Variants in PRTFDC1 observed in about 807,000 individuals in gnomAD.
PRTFDC1 encodes the protein phosphoribosyl transferase domain containing 1.
PRTFDC1 carries 38 observed loss-of-function variants against 34.6 expected under a neutral mutation model. The observed-to-expected ratio is 1.10, with a 90% CI of 0.85 to 1.44. PRTFDC1 has a LOEUF of 1.44. Among genes scored for constraint, PRTFDC1 ranks in the 40% most tolerant of loss-of-function variants. The probability of loss-of-function intolerance (pLI) is 0.00; values close to 1 mark genes in which losing one functional copy is unlikely to be tolerated. For synonymous variants in PRTFDC1, 93 were observed against 98.1 expected (o/e 0.95, Z 0.31); for missense variants, 270 against 283.0 (o/e 0.95, Z 0.33).
intron 3 of PRTFDC1, among the ~76,000 whole-genome samples, chr10:24,906,370 C>T (rs1007179105): frequency 6.6e-5 from 10 of 152,128 alleles, no homozygotes; most frequent in Non-Finnish European, 1.3e-4. Context: ...GGTCAAGATA[C>T]CCCTGGACCC....
chr10:24,856,779 G>A, intron 6 of PRTFDC1, 134 bp downstream of exon 6: 3 of 773,738 alleles, frequency 3.9e-6, no homozygotes, highest in Non-Finnish European at 6.6e-6. Context: ...GTGTGGTCAA[G>A]CTGTAATACC....
chr10:24,881,130 C>A (rs978331026), intron 3 of PRTFDC1, among the ~76,000 whole-genome samples: 2 of 151,344 alleles, frequency 1.3e-5, no homozygotes, highest in African/African-American at 4.9e-5. Context: ...AGCAGTGGTG[C>A]AATCATAGCT....
At chr10:24,950,992 C>T (rs1461655589) in intron 1 of PRTFDC1, among the ~76,000 whole-genome samples, 1 of 152,168 alleles carries the variant, frequency 6.6e-6, no homozygotes, top group African/African-American at 2.4e-5. Context: ...AATGATTGCC[C>T]TTTTTGCGTT....
chr10:24,891,290 GATATATACCCTTA>G (rs1848257341), intron 3 of PRTFDC1, among the ~76,000 whole-genome samples: 1 of 151,918 alleles, frequency 6.6e-6, no homozygotes, highest in African/African-American at 2.4e-5. Flanking sequence ...ACATATACAG[GATATATACCCTTA>G]ACATAATGCA....
chr10:24,856,453 T>C (rs1271606212), intron 6 of PRTFDC1, among the ~76,000 whole-genome samples: 1 of 152,006 alleles, frequency 6.6e-6, no homozygotes, highest in African/African-American at 2.4e-5. Context: ...CTGGGTGCAG[T>C]GGCAGGCGCC....
At chr10:24,941,702 T>A (rs1194713365) in intron 2 of PRTFDC1, among the ~76,000 whole-genome samples, 1 of 152,166 alleles carries the variant, frequency 6.6e-6, no homozygotes, top group Non-Finnish European at 1.5e-5. Context: ...TGATTTTAAA[T>A]TAATTTTAAA....
chr10:24,916,388 C>A (rs1165833069), intron 3 of PRTFDC1, among the ~76,000 whole-genome samples: 1 of 152,218 alleles, frequency 6.6e-6, no homozygotes, highest in African/African-American at 2.4e-5. Flanking sequence ...CTGCTCAAAA[C>A]CCAGTGAAAT....
At chr10:24,936,927 C>T (rs1849059073) in intron 3 of PRTFDC1, among the ~76,000 whole-genome samples, 1 of 152,120 alleles carries the variant, frequency 6.6e-6, no homozygotes, top group African/African-American at 2.4e-5. Flanking sequence ...ACTTTATCAC[C>T]ATAAAAGAAA....
rs533584445 is a variant in PRTFDC1 at position 24,867,463 on chromosome 10, T to C, written c.405+4535A>G. 8.5e-5 allele frequency among the ~76,000 whole-genome samples: 13 copies of C among 152,314 alleles called. No homozygotes were observed. In the South Asian group the frequency reaches 2.7e-3, roughly 32 times the overall value. ...TGATGTCATCTCTGCTCAAATACTT[T>C]TGTGTCTCCTGTTTGCTTTGCTGAG... On this transcript the variant is annotated intron_variant, in intron 4 of 8. Coordinates refer to ENST00000320152, the MANE Select transcript of PRTFDC1 (RefSeq NM_020200.7).
chr10:24,879,469 A>G (rs1396616548), intron 3 of PRTFDC1, among the ~76,000 whole-genome samples: 1 of 151,748 alleles, frequency 6.6e-6, no homozygotes, highest in Non-Finnish European at 1.5e-5. Flanking sequence ...TCAGCCTCCC[A>G]AGTAACTGGG....
chr10:24,863,615 T>G (rs1321777165), intron 4 of PRTFDC1, among the ~76,000 whole-genome samples: 1 of 152,178 alleles, frequency 6.6e-6, no homozygotes, highest in Non-Finnish European at 1.5e-5. Flanking sequence ...TAGATAGTGA[T>G]TCCTCTGATG....
intron 3 of PRTFDC1, among the ~76,000 whole-genome samples, chr10:24,922,770 C>A (rs966252558): frequency 1.3e-5 from 2 of 152,164 alleles, no homozygotes; most frequent in African/African-American, 4.8e-5. Flanking sequence ...ACTGAGGTAG[C>A]TGGTTCATCT....
chr10:24,874,372 G>A (rs956811723), intron 3 of PRTFDC1, among the ~76,000 whole-genome samples: 7 of 152,134 alleles, frequency 4.6e-5, no homozygotes, highest in African/African-American at 1.7e-4. Flanking sequence ...AAATTTTCTT[G>A]TCACTGCTAG....
intron 3 of PRTFDC1, among the ~76,000 whole-genome samples, chr10:24,886,397 T>C (rs1466829129): frequency 6.6e-6 from 1 of 152,160 alleles, no homozygotes; most frequent in East Asian, 1.9e-4. Flanking sequence ...AGCTGGGAAG[T>C]GATGTTGCTG....
At chr10:24,939,364 G>A (rs1235414025) in intron 2 of PRTFDC1, among the ~76,000 whole-genome samples, 2 of 148,498 alleles carry the variant, frequency 1.3e-5, no homozygotes, top group East Asian at 2.0e-4. Flanking sequence ...AACAACAACA[G>A]CAATGAATAG....
chr10:24,855,180 TG>T (rs1847551179), intron 7 of PRTFDC1, 137 bp downstream of exon 7: 1 of 761,082 alleles, frequency 1.3e-6, no homozygotes, highest in Non-Finnish European at 2.1e-6. Context: ...GAGGAATCCG[TG>T]GGACTATCAG....
chr10:24,894,761 G>C (rs1368679234), intron 3 of PRTFDC1, among the ~76,000 whole-genome samples: 6 of 152,214 alleles, frequency 3.9e-5, no homozygotes, highest in African/African-American at 9.6e-5. Context: ...TAGTGGTTAA[G>C]ATCGTGGCTT....
chr10:24,861,837 G>A (rs913828468), intron 4 of PRTFDC1, among the ~76,000 whole-genome samples: 2 of 151,826 alleles, frequency 1.3e-5, no homozygotes, highest in South Asian at 2.1e-4. Flanking sequence ...ACAGGATCTC[G>A]ATCATAGCTC....
intron 3 of PRTFDC1, among the ~76,000 whole-genome samples, chr10:24,930,094 C>A (rs1848948901): frequency 6.7e-6 from 1 of 150,162 alleles, no homozygotes; most frequent in Non-Finnish European, 1.5e-5. Context: ...CACACACACA[C>A]AATCGGGTAG....
Sources: allele counts gnomAD v4.1 joint callset (sites outside exome capture counted in the v4.1 genomes callset), GRCh38; gene constraint gnomAD v4.1.1; transcripts MANE v1.5; gene names NCBI Gene and HGNC (gene_info 2026-07-23, HGNC 2026-07-21).